Variants in DNAH1 observed in about 807,000 individuals in gnomAD.
The protein encoded by DNAH1 is axonemal beta dynein heavy chain 1.
DNAH1 carries 327 observed loss-of-function variants against 484.3 expected under a neutral mutation model. The observed-to-expected ratio is 0.68, with a 90% CI of 0.62 to 0.74. DNAH1 has a LOEUF of 0.74. Among genes scored for constraint, DNAH1 ranks in the 30% least tolerant of loss-of-function variants. The pLI is 0.00. For synonymous variants in DNAH1, 2,192 were observed against 2,191.9 expected (o/e 1.00, Z 0.00); for missense variants, 5,052 against 5,546.8 (o/e 0.91, Z 2.83).
intron 13 of DNAH1, 21 bp downstream of exon 13, chr3:52,349,102 A>G: frequency 6.2e-7 from 1 of 1,612,928 alleles, no homozygotes; most frequent in Non-Finnish European, 8.5e-7. Flanking sequence ...GTGCCCATGC[A>G]CGTCGGAGGG....
intron 5 of DNAH1, among the ~76,000 whole-genome samples, 159 bp from the exon 6 acceptor site, chr3:52,327,723 G>T (rs556814077): frequency 6.6e-6 from 1 of 151,614 alleles, no homozygotes; most frequent in South Asian, 2.1e-4. Flanking sequence ...AGTGGAGAGG[G>T]TCAGCCCCCA....
Position 52,392,453 on chromosome 3 carries a change from G to T in DNAH1, c.10053-11G>T. The T allele has an allele frequency of 6.2e-7, 1 of 1,612,720 alleles. No individual in the cohort carries two copies. On this transcript the variant is annotated splice_polypyrimidine_tract_variant and intron_variant, in intron 63 of 77. Coordinates refer to ENST00000420323, the MANE Select transcript of DNAH1 (RefSeq NM_015512.5). ...AGGTATTACAGACTTGGTGTCCCCT[G>T]CCCCCGGCAGTGGCCTAGAGGACCA...
chr3:52,370,376 C>G (rs574600548), intron 39 of DNAH1, 101 bp from the exon 40 acceptor site: 16 of 1,569,316 alleles, frequency 1.0e-5, no homozygotes, highest in African/African-American at 5.4e-5. Flanking sequence ...TGTAGAGAAA[C>G]AAAGCTGTGT....
chr3:52,360,328 A>T lies in DNAH1; in HGVS notation c.4589A>T (p.Asn1530Ile), dbSNP rs780908807. The T allele has an allele frequency of 6.2e-7, 1 of 1,613,812 alleles. No individual in the cohort carries two copies. Among genetic ancestry groups the T allele is most frequent in the Admixed American group, 1.7e-5 (1 of 60,020 alleles). The change falls in exon 28 of 78, where the codon AAT becomes ATT. Residue 1530 changes from asparagine (N) to isoleucine (I), a missense_variant. Transcript: ENST00000420323. ...ISQLRYYWTNNDLYIRAVNAE... is the reference protein window; with the variant it reads ...ISQLRYYWTNIDLYIRAVNAE... ...ACCGCCAGGTACTACTGGACAAATA[A>T]TGACCTGTATATCCGTGCTGTGAAT...
chr3:52,374,151 C>T, intron 44 of DNAH1: 1 of 1,242,182 alleles, frequency 8.1e-7, no homozygotes, highest in South Asian at 1.2e-5. Context: ...GGCTTGAGAG[C>T]TTACATCAGA....
rs189497736 is a variant in DNAH1 at position 52,395,708 on chromosome 3, T to C, written c.11259+30T>C. The C allele has an allele frequency of 1.5e-4, 242 of 1,603,054 alleles. No homozygotes were observed. In the African/African-American group the frequency reaches 3.0e-3, roughly 20 times the overall value. On this transcript the variant is annotated intron_variant, in intron 70 of 77. Coordinates refer to ENST00000420323, the MANE Select transcript of DNAH1 (RefSeq NM_015512.5). The surrounding 1 kb of genome is among the most constrained non-coding windows in gnomAD (Gnocchi z 4.4). ...GTTGCCCTGCCCATCACAGACCCAG[T>C]GGGGCCGCCTCTGCATCCATCAGGG...
At chr3:52,330,447 A>G (rs1011681649) in intron 6 of DNAH1, among the ~76,000 whole-genome samples, 7 of 152,226 alleles carry the variant, frequency 4.6e-5, no homozygotes, top group African/African-American at 1.4e-4. Flanking sequence ...ACAACCAGCA[A>G]TGAGGCGACC....
chr3:52,318,713 A>T (rs1310721153), intron 1 of DNAH1, among the ~76,000 whole-genome samples: 1 of 152,184 alleles, frequency 6.6e-6, no homozygotes, highest in Non-Finnish European at 1.5e-5. Flanking sequence ...ACTGGAGGGG[A>T]AAGACACAGT....
chr3:52,365,745 G>C (rs1703046284), intron 34 of DNAH1, among the ~76,000 whole-genome samples: 1 of 152,122 alleles, frequency 6.6e-6, no homozygotes, highest in South Asian at 2.1e-4. Flanking sequence ...GGCAGTTCCT[G>C]CTCAGCCCTG....
Position 52,396,959 on chromosome 3 carries a change from T to C in DNAH1, c.11702T>C (p.Phe3901Ser). Residue 3901 changes from phenylalanine to serine, a missense_variant, in exon 73 of 78, where the codon TTC becomes TCC. Phe to Ser is a radical substitution (Grantham distance 155). Around this residue, in one of 4 missense-constraint regions of DNAH1, gnomAD observed 853 missense variants for 899.0 expected, o/e 0.95. Transcript: ENST00000420323. Reference sequence around the variant, plus strand: ...TGCATCATGAACATCTTGGAGGACTTCTACAACCCTGACGTGCTCTCCCCT... The same window carrying C: ...TGCATCATGAACATCTTGGAGGACTCCTACAACCCTGACGTGCTCTCCCCT... ...RRCIMNILED[F>S]YNPDVLSPEH... 1.9e-6 allele frequency: 3 copies of C among 1,613,330 alleles called. No individual in the cohort carries two copies. Among genetic ancestry groups the C allele is most frequent in the Non-Finnish European group, 2.5e-6 (3 of 1,179,786 alleles).
chr3:52,326,030 C>A, intron 3 of DNAH1, 110 bp from the exon 4 acceptor site: 1 of 1,129,698 alleles, frequency 8.9e-7, no homozygotes, highest in Non-Finnish European at 1.2e-6. Flanking sequence ...CTTTGAGCTT[C>A]CCACACTCCA....
At position 52,372,905 on chromosome 3, in the gene DNAH1, T is replaced by A. The variant is rs768503400; in HGVS notation, c.6837T>A (p.Gly2279=). The A allele has an allele frequency of 6.2e-7, 1 of 1,612,018 alleles. No homozygotes were observed. Among genetic ancestry groups the A allele is most frequent in the Non-Finnish European group, 8.5e-7 (1 of 1,179,100 alleles). The change falls in exon 44 of 78, where the codon GGT becomes GGA. Residue 2279 remains glycine (G), a synonymous_variant. Transcript: ENST00000420323. The stretch of plus-strand genomic sequence containing the variant: ...CAGCCCCTCCCCTCAGGCGGAAGGG[T>A]GTGTTTGGACCACCTCTGGGGCGCA... ...IDSKLDKRRK[G]VFGPPLGRNF...
At chr3:52,315,335 C>T (rs951931140), upstream of DNAH1, among the ~76,000 whole-genome samples, 2 of 152,258 alleles carry the variant, frequency 1.3e-5, no homozygotes, top group Non-Finnish European at 2.9e-5. Flanking sequence ...TTCTGGCTGG[C>T]CAGCCACATG....
chr3:52,369,139 A>C (rs1703210289), intron 37 of DNAH1, among the ~76,000 whole-genome samples: 1 of 152,176 alleles, frequency 6.6e-6, no homozygotes, highest in South Asian at 2.1e-4. Context: ...TGTCCCGCAC[A>C]GTTGCTCAGA....
chr3:52,360,364 T>C lies in DNAH1; in HGVS notation c.4625T>C (p.Ile1542Thr). 1 of 1,614,010 alleles carries C rather than the reference T, an allele frequency of 6.2e-7. No individual in the cohort carries two copies. Among genetic ancestry groups the C allele is most frequent in the Non-Finnish European group, 8.5e-7 (1 of 1,179,878 alleles). The change falls in exon 28 of 78, where the codon ATC (isoleucine) becomes ACC (threonine). Residue 1542 changes from isoleucine (I) to threonine (T), a missense_variant. Around this residue, in one of 4 missense-constraint regions of DNAH1, gnomAD observed 2,929 missense variants for 3,409.4 expected, o/e 0.86. Coordinates refer to ENST00000420323, the MANE Select transcript of DNAH1 (RefSeq NM_015512.5). Reference protein sequence around the residue: ...LYIRAVNAEFIYGYEYLGNSG... With the variant: ...LYIRAVNAEFTYGYEYLGNSG... ...ATCCGTGCTGTGAATGCTGAGTTCA[T>C]CTATGGCTATGAGTACCTGGGCAAC...
rs757424593 is a variant in DNAH1, at chr3:52,370,119, T to G, written c.6148T>G (p.Ser2050Ala). The change falls in exon 39 of 78, where the codon TCC (serine) becomes GCC (alanine). Residue 2050 changes from serine (S) to alanine (A), a missense_variant. Ser to Ala is a moderately conservative substitution (Grantham distance 99). Around this residue, in one of 4 missense-constraint regions of DNAH1, gnomAD observed 2,929 missense variants for 3,409.4 expected, o/e 0.86. Coordinates refer to ENST00000420323, the MANE Select transcript of DNAH1 (RefSeq NM_015512.5). The part of the protein sequence containing the change: ...LFVSFLEESI[S>A]FVRSSVKEVI... ...TGCCTACTCCCTGCAGGAATCCATC[T>G]CCTTCGTTCGGTCCTCAGTGAAGGA... 9.9e-6 allele frequency: 16 copies of G among 1,613,864 alleles called. No individual in the cohort carries two copies. The highest frequency in any genetic ancestry group is 1.3e-5 in the African/African-American group (1 of 74,928).
chr3:52,338,594 G>A (rs911745179), intron 8 of DNAH1, among the ~76,000 whole-genome samples: 1 of 152,188 alleles, frequency 6.6e-6, no homozygotes, highest in Non-Finnish European at 1.5e-5. Context: ...CAAGGGTATA[G>A]AGTTCCTTGA....
At position 52,375,862 on chromosome 3, in the gene DNAH1, A is replaced by C. The variant is rs886127657; in HGVS notation, c.7160-93A>C. ...GGGGTTTGGGGAAAAGCTTACCCCA[A>C]GATGCTGTTTCCCCCACCATCTCAC... On this transcript the variant is annotated intron_variant, in intron 45 of 77. Coordinates refer to ENST00000420323, the MANE Select transcript of DNAH1 (RefSeq NM_015512.5). 3.5e-5 allele frequency: 50 copies of C among 1,443,534 alleles called. 1 individual carries two copies. The African/African-American group carries it at 6.7e-4, about 19-fold the overall frequency. 89.4% of individuals were successfully genotyped at this position (1,443,534 alleles called of 1,614,324 possible). A position where few individuals can be genotyped will look rare whatever the true frequency, so the allele number is the denominator to read the frequency against.
chr3:52,350,498 G>C lies in DNAH1; in HGVS notation c.2647-10G>C, dbSNP rs747854506. On this transcript the variant is annotated splice_polypyrimidine_tract_variant and intron_variant, in intron 15 of 77. Transcript: ENST00000420323. ...ACACGTGAAGTTCTCATTACCACCT[G>C]TCTGTGCAGGAGCGGATTGTGAAGG... 3 of 1,613,572 alleles carry C rather than the reference G, an allele frequency of 1.9e-6. No homozygotes were observed. The highest frequency in any genetic ancestry group is 1.3e-5 in the African/African-American group (1 of 75,052).
Sources: allele counts gnomAD v4.1 joint callset (sites outside exome capture counted in the v4.1 genomes callset), GRCh38; gene constraint gnomAD v4.1.1; regional missense constraint gnomAD v4.1.1; non-coding constraint Gnocchi (gnomAD v3.1); transcripts MANE v1.5; gene names NCBI Gene and HGNC (gene_info 2026-07-23, HGNC 2026-07-21).